Variants in PBX1 observed in about 807,000 individuals in gnomAD.
PBX1 encodes PBX homeobox 1.
Under a neutral mutation model 53.4 loss-of-function variants are expected in PBX1, and 6 were observed. The ratio of observed to expected loss-of-function variants is 0.11; its 90% CI spans 0.06 to 0.22. The LOEUF (loss-of-function observed/expected upper bound fraction) is 0.22, where lower values mean the gene tolerates loss of function less well. Ranked by LOEUF, PBX1 falls within the 10% of genes least tolerant of loss-of-function variation. The pLI is 1.00. For synonymous variants in PBX1, 204 were observed against 212.3 expected (o/e 0.96, Z 0.34); for missense variants, 251 against 551.4 (o/e 0.46, Z 5.46).
At chr1:164,874,217 TAATA>T (rs1672450673) in intron 2 of PBX1, among the ~76,000 whole-genome samples, 3 of 152,170 alleles carry the variant, frequency 2.0e-5, no homozygotes, top group Non-Finnish European at 4.4e-5. Flanking sequence ...GAATATAACT[TAATA>T]TAAGAACTTG....
chr1:164,635,593 C>T (rs1010510860), intron 2 of PBX1, among the ~76,000 whole-genome samples: 2 of 152,220 alleles, frequency 1.3e-5, no homozygotes, highest in Non-Finnish European at 1.5e-5. Context: ...TTCTCCCGCT[C>T]GTCTCGCCAC....
At chr1:164,728,727 T>G (rs1050976685) in intron 2 of PBX1, among the ~76,000 whole-genome samples, 4 of 152,218 alleles carry the variant, frequency 2.6e-5, no homozygotes, top group Non-Finnish European at 5.9e-5. Context: ...ATAAAAATTT[T>G]TTTATTCAGG....
At position 164,560,002 on chromosome 1, in the gene PBX1, G is replaced by C; in HGVS notation, c.180G>C (p.Glu60Asp). ...IMTITDQSLD[E>D]AQARKHALNC... ...CCATCACAGACCAGAGTTTGGATGA[G>C]GCGCAGGCCAGGTGAGATGGAGGCT... The change falls in exon 1 of 9, where the codon GAG becomes GAC. Residue 60 changes from glutamate to aspartate, a missense_variant. Glu to Asp is a conservative substitution (Grantham distance 45). Around this residue, in one of 4 missense-constraint regions of PBX1, gnomAD observed 63 missense variants for 78.7 expected, o/e 0.80. Transcript: ENST00000420696. 1 of 1,441,076 alleles carries C rather than the reference G, an allele frequency of 6.9e-7. No individual in the cohort carries two copies. The highest frequency in any genetic ancestry group is 9.2e-7 in the Non-Finnish European group (1 of 1,089,330). 89.3% of individuals were successfully genotyped at this position (1,441,076 alleles called of 1,614,324 possible).
chr1:164,635,297 C>T (rs1229385476), intron 2 of PBX1, among the ~76,000 whole-genome samples: 2 of 152,018 alleles, frequency 1.3e-5, no homozygotes, highest in African/African-American at 2.4e-5. Flanking sequence ...ACCGCTGCCA[C>T]CATGGTATCT....
intron 2 of PBX1, among the ~76,000 whole-genome samples, chr1:164,615,519 A>G (rs1657222292): frequency 6.6e-6 from 1 of 152,078 alleles, no homozygotes; most frequent in South Asian, 2.1e-4. Flanking sequence ...CCTATAGATG[A>G]CAACTGCTCA....
intron 2 of PBX1, among the ~76,000 whole-genome samples, chr1:164,723,345 C>T (rs1243968060): frequency 6.6e-6 from 1 of 152,182 alleles, no homozygotes; most frequent in East Asian, 1.9e-4. Flanking sequence ...TCCACTCTAC[C>T]TGCTAAGCTG....
chr1:164,708,596 T>A (rs964865617), intron 2 of PBX1, among the ~76,000 whole-genome samples: 70 of 152,320 alleles, frequency 4.6e-4, no homozygotes, highest in Non-Finnish European at 1.6e-4. Flanking sequence ...TTGCCATCTT[T>A]ACGTTCATGT....
intron 2 of PBX1, among the ~76,000 whole-genome samples, chr1:164,698,668 G>A (rs181051693): frequency 2.0e-5 from 3 of 152,184 alleles, no homozygotes; most frequent in East Asian, 1.9e-4. Context: ...TCATCAGAGC[G>A]CCCAAAAGCC....
At chr1:164,747,036 A>G (rs1461296573) in intron 2 of PBX1, among the ~76,000 whole-genome samples, 1 of 152,272 alleles carries the variant, frequency 6.6e-6, no homozygotes, top group East Asian at 1.9e-4. Flanking sequence ...TTGAGGAGAT[A>G]TTGTTGTTCC....
chr1:164,843,863 C>A (rs1671425050), intron 8 of PBX1, among the ~76,000 whole-genome samples: 1 of 152,066 alleles, frequency 6.6e-6, no homozygotes, highest in South Asian at 2.1e-4. Context: ...TTGTCAATTC[C>A]TTCTTAATGA....
chr1:164,863,558 A>G (rs904707561), intron 2 of PBX1, among the ~76,000 whole-genome samples: 5 of 152,236 alleles, frequency 3.3e-5, no homozygotes, highest in Non-Finnish European at 7.3e-5. Context: ...ATGTAATATG[A>G]AAAAAGATAT....
chr1:164,818,633 T>G (rs910209084), intron 6 of PBX1: 3 of 135,234 alleles, frequency 2.2e-5, no homozygotes, highest in Non-Finnish European at 4.9e-5. Flanking sequence ...AAAATTGGAG[T>G]TTTTTTTTTT....
intron 2 of PBX1, among the ~76,000 whole-genome samples, chr1:164,758,786 T>G (rs893878583): frequency 2.0e-5 from 3 of 152,186 alleles, no homozygotes; most frequent in Non-Finnish European, 2.9e-5. Context: ...CCTCTCAACT[T>G]AGTCAATTCC....
chr1:164,677,076 G>C (rs1661470340), intron 2 of PBX1, among the ~76,000 whole-genome samples: 1 of 140,810 alleles, frequency 7.1e-6, no homozygotes, highest in Non-Finnish European at 1.5e-5. Context: ...TGCATATACT[G>C]CTTGACATTT....
intron 2 of PBX1, among the ~76,000 whole-genome samples, chr1:164,861,369 A>G (rs527540863): frequency 2.0e-5 from 3 of 152,302 alleles, no homozygotes; most frequent in African/African-American, 7.2e-5. Flanking sequence ...AAAGAATCCT[A>G]ATTGTTCTTG....
intron 2 of PBX1, among the ~76,000 whole-genome samples, chr1:164,677,058 A>G (rs1402080430): frequency 6.7e-6 from 1 of 149,990 alleles, no homozygotes; most frequent in Non-Finnish European, 1.5e-5. Flanking sequence ...AAATAAGAGC[A>G]TCTTCTTTGC....
chr1:164,788,610 T>G (rs536905917), intron 2 of PBX1, among the ~76,000 whole-genome samples: 20 of 152,302 alleles, frequency 1.3e-4, no homozygotes, highest in Non-Finnish European at 2.2e-4. Context: ...GGTTTTCTTT[T>G]AAGGTTTTCC....
At chr1:164,874,944 C>G (rs1372417865) in intron 2 of PBX1, among the ~76,000 whole-genome samples, 1 of 152,192 alleles carries the variant, frequency 6.6e-6, no homozygotes, top group Non-Finnish European at 1.5e-5. Flanking sequence ...TCAAAACCTT[C>G]CTCCACTGCA....
intron 2 of PBX1, among the ~76,000 whole-genome samples, chr1:164,775,045 C>A (rs184248511): frequency 6.6e-6 from 1 of 152,298 alleles, no homozygotes; most frequent in East Asian, 1.9e-4. Flanking sequence ...GCTGGCTGGG[C>A]TCTGTGCTTC....
Sources: gnomAD v4.1 joint callset for allele counts (sites outside exome capture counted in the v4.1 genomes callset) on GRCh38, gnomAD v4.1.1 for gene constraint, gnomAD v4.1.1 regional missense constraint, MANE v1.5 for transcripts, NCBI Gene and HGNC (gene_info 2026-07-23, HGNC 2026-07-21) for gene names.